Variants in COL6A5 observed in about 807,000 individuals in gnomAD.
COL6A5 encodes collagen alpha-5(VI) chain.
COL6A5 carries 48 observed loss-of-function variants against 65.6 expected under a neutral mutation model. That is an observed-to-expected ratio of 0.73 (90% confidence interval 0.58 to 0.93). The LOEUF (loss-of-function observed/expected upper bound fraction) is 0.93, where lower values mean the gene tolerates loss of function less well. Among genes scored for constraint, COL6A5 ranks in the 40% least tolerant of loss-of-function variants. COL6A5 has a pLI of 0.00. For missense variants in COL6A5, 914 were observed against 928.3 expected, an observed-to-expected ratio of 0.98 and a Z score of 0.20; for synonymous variants, 291 against 322.8, an observed-to-expected ratio of 0.90 and a Z score of 1.05.
At chr3:130,371,214 G>C (rs989458038) in intron 1 of COL6A5, among the ~76,000 whole-genome samples, 6 of 151,870 alleles carry the variant, frequency 4.0e-5, no homozygotes, top group Non-Finnish European at 8.8e-5. Context: ...GTAATGGATT[G>C]TAAAACAATA....
intron 1 of COL6A5, among the ~76,000 whole-genome samples, chr3:130,437,979 G>GT (rs1049994992): frequency 5.3e-5 from 8 of 151,444 alleles, no homozygotes; most frequent in Non-Finnish European, 8.8e-5. Flanking sequence ...AGATAGAGGG[G>GT]TTTTTTTTGT....
chr3:130,397,727 C>T (rs1577467213), exon 9 of COL6A5: 1 of 1,551,654 alleles, frequency 6.4e-7, no homozygotes, highest in Non-Finnish European at 8.7e-7. Flanking sequence ...AGCTGTGGGG[C>T]TGGCACAGAG....
chr3:130,469,360 A>G, exon 6 of COL6A5: 2 of 1,612,896 alleles, frequency 1.2e-6, no homozygotes, highest in African/African-American at 1.3e-5. Flanking sequence ...ACAATGACAA[A>G]GAATTAGAAG....
At chr3:130,425,365 G>T (rs73867694) in intron 29 of COL6A5, among the ~76,000 whole-genome samples, 2 of 152,242 alleles carry the variant, frequency 1.3e-5, no homozygotes, top group African/African-American at 4.8e-5. Flanking sequence ...GACATCCCTG[G>T]TTGAACCTCT....
At chr3:130,357,492 A>G (rs916546909) in intron 1 of COL6A5, among the ~76,000 whole-genome samples, 2 of 152,248 alleles carry the variant, frequency 1.3e-5, no homozygotes, top group Non-Finnish European at 2.9e-5. Flanking sequence ...CCTGGCAAAG[A>G]TAGCTCACAC....
At chr3:130,377,836 A>C (rs1002227623) in intron 3 of COL6A5, among the ~76,000 whole-genome samples, 3 of 152,186 alleles carry the variant, frequency 2.0e-5, no homozygotes, top group African/African-American at 7.2e-5. Flanking sequence ...AGTAACAACC[A>C]TTTGCAAATA....
At chr3:130,363,152 C>G (rs889128305) in intron 1 of COL6A5, among the ~76,000 whole-genome samples, 1 of 152,220 alleles carries the variant, frequency 6.6e-6, no homozygotes, top group Non-Finnish European at 1.5e-5. Context: ...AATTCTCTCT[C>G]CTTACTTAGC....
chr3:130,391,142 C>T (rs1046911705), intron 6 of COL6A5, 37 bp from the exon 7 acceptor site: 44 of 1,461,740 alleles, frequency 3.0e-5, no homozygotes, highest in Middle Eastern at 3.5e-4. Flanking sequence ...GAATGCACTG[C>T]AGAAAGTTTG....
At position 130,394,251 on chromosome 3, in the gene COL6A5, G is replaced by GA. The variant is rs774077421; in HGVS notation, c.2993-632dup. ...GATATTTTTAAAAAGCATTGCAGCAGAAAAAAAGTGCTAAATTTAAGAGTA... is the reference window on the plus strand; with the variant it reads ...GATATTTTTAAAAAGCATTGCAGCAGAAAAAAAAGTGCTAAATTTAAGAGTA... On this transcript the variant is annotated intron_variant and NMD_transcript_variant, in intron 7 of 41. Transcript: ENST00000312481. 2.0e-5 allele frequency among the ~76,000 whole-genome samples: 3 copies of GA among 152,188 alleles called. 1 individual carries two copies. The East Asian group carries it at 5.8e-4, about 29-fold the overall frequency.
At position 130,421,076 on chromosome 3, in the gene COL6A5, CA is replaced by C. The variant is rs1225449771; in HGVS notation, c.4951-76del. On this transcript the variant is annotated intron_variant and NMD_transcript_variant, in intron 25 of 41. Transcript: ENST00000312481. ...GAAGTCCCTAGTGCTTCTCTTCTGACACTGTAATCTCCCCAGTATAGATTAA... is the reference window on the plus strand; with the variant it reads ...GAAGTCCCTAGTGCTTCTCTTCTGACCTGTAATCTCCCCAGTATAGATTAA... The C allele has an allele frequency of 6.8e-6, 9 of 1,332,684 alleles. No homozygotes were observed. In the East Asian group the frequency reaches 2.3e-4, roughly 33 times the overall value. 82.6% of individuals were successfully genotyped at this position (1,332,684 alleles called of 1,614,324 possible).
At chr3:130,452,255 C>T (rs1049850695) in intron 4 of COL6A5, among the ~76,000 whole-genome samples, 6 of 152,112 alleles carry the variant, frequency 3.9e-5, no homozygotes, top group South Asian at 2.1e-4. Flanking sequence ...CAAAGGGAAT[C>T]GGGTTCCCTC....
At chr3:130,479,828 GATAA>G (rs1374242539) in intron 7 of COL6A5, among the ~76,000 whole-genome samples, 1 of 152,022 alleles carries the variant, frequency 6.6e-6, no homozygotes, top group Non-Finnish European at 1.5e-5. Flanking sequence ...AGTTTTTTGA[GATAA>G]ATACAGTGCC....
chr3:130,446,075 C>T (rs1383568689), intron 4 of COL6A5, among the ~76,000 whole-genome samples: 1 of 152,038 alleles, frequency 6.6e-6, no homozygotes, highest in Non-Finnish European at 1.5e-5. Context: ...CTGATCTTTC[C>T]GGAAGATAAA....
intron 24 of COL6A5, among the ~76,000 whole-genome samples, 191 bp downstream of exon 24, chr3:130,417,010 G>T (rs1459907451): frequency 6.6e-6 from 1 of 151,686 alleles, no homozygotes; most frequent in Non-Finnish European, 1.5e-5. Flanking sequence ...GTGGTTTGCT[G>T]CCCCCATCAA....
intron 1 of COL6A5, among the ~76,000 whole-genome samples, chr3:130,354,087 AAAG>A (rs1176572018): frequency 3.4e-5 from 5 of 149,128 alleles, no homozygotes; most frequent in East Asian, 2.0e-4. Flanking sequence ...AAGAACAAAA[AAAG>A]AAAAGAAGAA....
chr3:130,383,644 G>C (rs964985911), intron 4 of COL6A5, among the ~76,000 whole-genome samples: 5 of 151,952 alleles, frequency 3.3e-5, no homozygotes, highest in Non-Finnish European at 5.9e-5. Flanking sequence ...AGCAACTGCC[G>C]TGGGCTGAAG....
In COL6A5 at chr3:130,379,401, A is replaced by G; in HGVS notation, c.668-17A>G. ...CAGTGGTTTATACTAATCCTCACACATTTTCTGTCTGCATAGTTCACTTCC... is the reference window on the plus strand; with the variant it reads ...CAGTGGTTTATACTAATCCTCACACGTTTTCTGTCTGCATAGTTCACTTCC... On this transcript the variant is annotated splice_polypyrimidine_tract_variant and intron_variant and NMD_transcript_variant, in intron 3 of 41. Transcript: ENST00000312481. 6.5e-7 allele frequency: 1 copy of G among 1,542,816 alleles called. No homozygotes were observed.
intron 1 of COL6A5, among the ~76,000 whole-genome samples, chr3:130,357,907 T>TG (rs1402294462): frequency 2.6e-5 from 4 of 152,104 alleles, no homozygotes; most frequent in African/African-American, 9.7e-5. Context: ...TACTATTAAC[T>TG]GGCCGAGCAT....
At chr3:130,385,153 G>T (rs762459774) in exon 5 of COL6A5, 6 of 1,550,988 alleles carry the variant, frequency 3.9e-6, no homozygotes, top group Non-Finnish European at 5.2e-6. Context: ...TCATTGTGTT[G>T]ACTGATGGGA....
Sources: allele counts gnomAD v4.1 joint callset (sites outside exome capture counted in the v4.1 genomes callset), GRCh38; gene constraint gnomAD v4.1.1; transcripts MANE v1.5; gene names NCBI Gene and HGNC (gene_info 2026-07-23, HGNC 2026-07-21).